ST18: variants seen among roughly 807,000 people sequenced by gnomAD.
The protein encoded by ST18 is ST18 C2H2C-type zinc finger transcription factor, also known as suppression of tumorigenicity 18 protein.
ST18 carries 50 observed loss-of-function variants against 110.0 expected under a neutral mutation model. That is an observed-to-expected ratio of 0.45 (90% CI 0.36 to 0.58). ST18 has a LOEUF of 0.58. Ranked by LOEUF, ST18 falls within the 20% of genes least tolerant of loss-of-function variation. The pLI is 0.00. For synonymous variants in ST18, 461 were observed against 452.4 expected, an observed-to-expected ratio of 1.02 and a Z score of -0.24; for missense variants, 1,306 against 1,280.1, an observed-to-expected ratio of 1.02 and a Z score of -0.31.
intron 2 of ST18, among the ~76,000 whole-genome samples, chr8:52,292,960 C>T (rs1162415212): frequency 6.6e-6 from 1 of 152,186 alleles, no homozygotes; most frequent in Admixed American, 6.5e-5. Flanking sequence ...CAGAACTCAT[C>T]AAATTATATA....
At chr8:52,317,833 A>G (rs774688222) in intron 2 of ST18, among the ~76,000 whole-genome samples, 7 of 152,174 alleles carry the variant, frequency 4.6e-5, no homozygotes, top group Non-Finnish European at 8.8e-5. Flanking sequence ...TGTCCGTTTG[A>G]CTTTTCTCAT....
At chr8:52,192,653 C>T (rs2074937492) in intron 8 of ST18, among the ~76,000 whole-genome samples, 1 of 152,114 alleles carries the variant, frequency 6.6e-6, no homozygotes, top group Non-Finnish European at 1.5e-5. Context: ...ATGTCTTCGG[C>T]AGTTTAAATA....
chr8:52,332,290 G>A (rs1276908369), intron 2 of ST18, among the ~76,000 whole-genome samples: 3 of 152,016 alleles, frequency 2.0e-5, no homozygotes, highest in Non-Finnish European at 4.4e-5. Flanking sequence ...CACTTATGCT[G>A]TATTGATGCA....
intron 2 of ST18, among the ~76,000 whole-genome samples, chr8:52,354,344 A>G (rs189816648): frequency 3.9e-5 from 6 of 152,338 alleles, no homozygotes; most frequent in African/African-American, 1.4e-4. Flanking sequence ...GAGTAAAGTC[A>G]GGGGGAGTCT....
chr8:52,194,791 G>A (rs956528433), intron 8 of ST18: 1 of 152,130 alleles, frequency 6.6e-6, no homozygotes, highest in African/African-American at 2.4e-5. Flanking sequence ...CACAAAGATT[G>A]ACTGAATGAC....
At chr8:52,285,687 A>G (rs1050880182) in intron 2 of ST18, among the ~76,000 whole-genome samples, 2 of 152,210 alleles carry the variant, frequency 1.3e-5, no homozygotes, top group African/African-American at 4.8e-5. Context: ...ACCTGAAATG[A>G]TGGACACCCT....
chr8:52,402,585 T>C (rs75098974), intron 2 of ST18, among the ~76,000 whole-genome samples: 6,025 of 152,166 alleles, frequency 0.04, 177 homozygotes, highest in Middle Eastern at 0.088. Context: ...TTAGAACCAA[T>C]AGGGCACAGT....
intron 16 of ST18, among the ~76,000 whole-genome samples, chr8:52,146,680 T>A (rs1195973042): frequency 3.3e-5 from 5 of 152,188 alleles, no homozygotes. Flanking sequence ...AGCTTGTCAA[T>A]GAGCGCATTT....
At chr8:52,211,389 T>TATTATC (rs1335871375) in intron 8 of ST18, among the ~76,000 whole-genome samples, 1 of 139,420 alleles carries the variant, frequency 7.2e-6, no homozygotes, top group African/African-American at 2.9e-5. Context: ...TTATTATTAT[T>TATTATC]ATTATTATTA....
intron 2 of ST18, among the ~76,000 whole-genome samples, chr8:52,387,510 G>T (rs539595175): frequency 6.6e-6 from 1 of 152,084 alleles, no homozygotes; most frequent in South Asian, 2.1e-4. Flanking sequence ...CTTGACTTTG[G>T]GTTTCCTTCC....
chr8:52,116,144 G>A, intron 25 of ST18, 131 bp downstream of exon 25: 1 of 963,300 alleles, frequency 1.0e-6, no homozygotes, highest in East Asian at 2.6e-5. Context: ...GCCAGACTGT[G>A]ATGAAGTGTG....
At chr8:52,165,662 G>A (rs1008398104) in intron 11 of ST18, among the ~76,000 whole-genome samples, 12 of 152,056 alleles carry the variant, frequency 7.9e-5, no homozygotes, top group Admixed American at 1.3e-4. Flanking sequence ...CCATCCACCC[G>A]CTACTCCCCA....
rs139663168 is a variant in ST18, at chr8:52,232,094, G to T, written c.-464-2017C>A. On this transcript the variant is annotated intron_variant, in intron 2 of 25. Coordinates refer to ENST00000689386, the MANE Select transcript of ST18 (RefSeq NM_001352837.2). The stretch of plus-strand genomic sequence containing the variant: ...GTGTTGAAGAATCCCAACCCCAAAA[G>T]CTAAATATACCCACATAGAGCAGAA... Among the ~76,000 whole-genome samples the T allele has an allele frequency of 1.1e-3, 175 of 152,278 alleles. 2 individuals carry two copies. Among genetic ancestry groups the T allele is most frequent in the African/African-American group, 4.0e-3 (165 of 41,570 alleles).
intron 2 of ST18, among the ~76,000 whole-genome samples, chr8:52,398,011 T>C (rs906891459): frequency 6.6e-6 from 1 of 152,170 alleles, no homozygotes; most frequent in African/African-American, 2.4e-5. Context: ...AAGGATTGCA[T>C]TAAATCTGTA....
chr8:52,161,509 C>T lies in ST18; in HGVS notation c.1460G>A (p.Arg487Lys), dbSNP rs972503444. ...CTCTTGTTCTTTTGACACTGTGGCT[C>T]TGGGAGAGGTGATGGCTTGTGACGG... is the stretch of plus-strand genomic sequence containing the variant. ...NFPSQAITSP[R>K]ATVSKEQEKF... The change falls in exon 14 of 26, where the codon AGA becomes AAA. Residue 487 changes from arginine (R) to lysine (K), a missense_variant. Arg to Lys is a conservative substitution (Grantham distance 26). Transcript: ENST00000689386. 6 of 1,614,164 alleles carry T rather than the reference C, an allele frequency of 3.7e-6. No homozygotes were observed. The highest frequency in any genetic ancestry group is 5.1e-6 in the Non-Finnish European group (6 of 1,180,020).
intron 2 of ST18, among the ~76,000 whole-genome samples, chr8:52,311,439 C>T (rs2095906463): frequency 6.6e-6 from 1 of 152,186 alleles, no homozygotes; most frequent in Admixed American, 6.5e-5. Flanking sequence ...ACTTCCCCCT[C>T]TACAGTTCTA....
At chr8:52,306,877 C>T (rs2095822092) in intron 2 of ST18, among the ~76,000 whole-genome samples, 1 of 152,120 alleles carries the variant, frequency 6.6e-6, no homozygotes, top group African/African-American at 2.4e-5. Context: ...TTTGCACCAA[C>T]CTAATATATT....
At chr8:52,408,352 A>G (rs1845251040) in intron 2 of ST18, among the ~76,000 whole-genome samples, 1 of 152,240 alleles carries the variant, frequency 6.6e-6, no homozygotes, top group Non-Finnish European at 1.5e-5. Context: ...TGTGTGCAAT[A>G]AATGTATTCA....
At chr8:52,161,679 A>G in intron 13 of ST18, 111 bp from the exon 14 acceptor site, 1 of 1,234,110 alleles carries the variant, frequency 8.1e-7, no homozygotes, top group Non-Finnish European at 1.1e-6. Flanking sequence ...GTATCCACAG[A>G]GACACTGAAC....
Sources: gnomAD v4.1 joint callset for allele counts (sites outside exome capture counted in the v4.1 genomes callset) on GRCh38, gnomAD v4.1.1 for gene constraint, MANE v1.5 for transcripts, NCBI Gene and HGNC (gene_info 2026-07-23, HGNC 2026-07-21) for gene names.